Variants in LOC128092252 observed in about 807,000 individuals in gnomAD.
chr15:50,675,262 G>T, the LOC128092252 span, among the ~76,000 whole-genome samples: 5,163 of 151,584 alleles, frequency 0.034, 109 homozygotes, highest in Middle Eastern at 0.1. Context: ...AGAATCGACT[G>T]AACCCAGGAC....
At chr15:50,660,010 A>G in the LOC128092252 span, among the ~76,000 whole-genome samples, 1 of 152,156 alleles carries the variant, frequency 6.6e-6, no homozygotes, top group East Asian at 1.9e-4. Flanking sequence ...ATTTCTCCGG[A>G]AGAAAAATGG....
chr15:50,657,911 A>T, the LOC128092252 span: 3 of 925,078 alleles, frequency 3.2e-6, no homozygotes, highest in East Asian at 8.0e-5. Flanking sequence ...AAACAAAAAA[A>T]ATTATATACC....
the LOC128092252 span, among the ~76,000 whole-genome samples, chr15:50,650,406 C>G: frequency 1.3e-5 from 2 of 151,678 alleles, no homozygotes; most frequent in Non-Finnish European, 2.9e-5. Context: ...TAAATTAGAC[C>G]TAGACAGACC....
chr15:50,664,212 C>G, the LOC128092252 span, among the ~76,000 whole-genome samples: 1 of 150,198 alleles, frequency 6.7e-6, no homozygotes, highest in African/African-American at 2.5e-5. Flanking sequence ...GCAGGAGAAT[C>G]GCTTGAACCA....
At chr15:50,677,603 G>C in the LOC128092252 span, among the ~76,000 whole-genome samples, 1 of 151,820 alleles carries the variant, frequency 6.6e-6, no homozygotes, top group African/African-American at 2.4e-5. Flanking sequence ...GCCGGGTGTG[G>C]TGTCACGCGC....
At chr15:50,677,497 T>C in the LOC128092252 span, among the ~76,000 whole-genome samples, 2 of 151,868 alleles carry the variant, frequency 1.3e-5, no homozygotes, top group Non-Finnish European at 2.9e-5. Context: ...TCCCAGCACT[T>C]TGGGAGGCCA....
chr15:50,656,015 A>C, the LOC128092252 span, among the ~76,000 whole-genome samples: 1 of 151,982 alleles, frequency 6.6e-6, no homozygotes, highest in East Asian at 1.9e-4. Context: ...AAAACAAAAA[A>C]AAAAAACCCC....
the LOC128092252 span, among the ~76,000 whole-genome samples, chr15:50,675,935 C>T: frequency 6.6e-6 from 1 of 152,164 alleles, no homozygotes; most frequent in Admixed American, 6.5e-5. Flanking sequence ...TGTGTGCAAC[C>T]TTGTGCAAGT....
At chr15:50,678,635 G>C in the LOC128092252 span, among the ~76,000 whole-genome samples, 3 of 150,420 alleles carry the variant, frequency 2.0e-5, no homozygotes, top group East Asian at 5.9e-4. Flanking sequence ...TTAATAATTA[G>C]ATATTACTGA....
chr15:50,685,500 A>C, the LOC128092252 span, among the ~76,000 whole-genome samples: 1 of 152,252 alleles, frequency 6.6e-6, no homozygotes, highest in Admixed American at 6.5e-5. Context: ...ATAGTGAAAG[A>C]CACATTATTT....
chr15:50,680,813 C>T, the LOC128092252 span, among the ~76,000 whole-genome samples: 2 of 152,128 alleles, frequency 1.3e-5, no homozygotes. Flanking sequence ...AAGCCTTCTC[C>T]AAGTTTCTGT....
the LOC128092252 span, chr15:50,686,555 G>C: frequency 3.7e-6 from 6 of 1,609,568 alleles, no homozygotes; most frequent in Non-Finnish European, 5.1e-6. Flanking sequence ...GGCGGACTCC[G>C]GAAGGGCAGC....
chr15:50,675,350 A>C, the LOC128092252 span, among the ~76,000 whole-genome samples: 1 of 152,040 alleles, frequency 6.6e-6, no homozygotes, highest in South Asian at 2.1e-4. Context: ...TTTCAAAAAA[A>C]AAAAAAGAAA....
chr15:50,676,598 G>A, the LOC128092252 span, among the ~76,000 whole-genome samples: 3 of 151,860 alleles, frequency 2.0e-5, no homozygotes, highest in East Asian at 3.9e-4. Flanking sequence ...AAAGACTTGA[G>A]GACACTGAAG....
At chr15:50,685,888 T>C in the LOC128092252 span, among the ~76,000 whole-genome samples, 1 of 152,188 alleles carries the variant, frequency 6.6e-6, no homozygotes, top group Admixed American at 6.5e-5. Context: ...ATTGTCTTGG[T>C]CCCCACAGAA....
At chr15:50,652,202 G>A in the LOC128092252 span, among the ~76,000 whole-genome samples, 2 of 150,996 alleles carry the variant, frequency 1.3e-5, no homozygotes, top group African/African-American at 2.4e-5. Flanking sequence ...GTGTGGTGGT[G>A]GGCGCCTGTA....
At chr15:50,678,376 A>G in the LOC128092252 span, among the ~76,000 whole-genome samples, 1 of 151,880 alleles carries the variant, frequency 6.6e-6, no homozygotes, top group African/African-American at 2.4e-5. Flanking sequence ...GGTGACACAG[A>G]CAATGACAAA....
the LOC128092252 span, chr15:50,686,618 C>G: frequency 6.4e-7 from 1 of 1,563,284 alleles, no homozygotes; most frequent in Non-Finnish European, 8.7e-7. Context: ...GGAAGCGTCT[C>G]CGGAGGCGGC....
chr15:50,651,064 G>A, the LOC128092252 span, among the ~76,000 whole-genome samples: 1 of 152,104 alleles, frequency 6.6e-6, no homozygotes, highest in South Asian at 2.1e-4. Context: ...ATGCACGCCT[G>A]TAGTCCAAGC....
Sources: gnomAD v4.1 joint callset for allele counts (sites outside exome capture counted in the v4.1 genomes callset) on GRCh38, gnomAD v4.1.1 for gene constraint, MANE v1.5 for transcripts.